The following PARP11 variants were observed in gnomAD, a reference collection of about 807,000 sequenced individuals.
PARP11 encodes poly(ADP-ribose) polymerase family member 11.
PARP11 carries 31 observed loss-of-function variants against 42.9 expected under a neutral mutation model. That is an observed-to-expected ratio of 0.72 (90% CI 0.54 to 0.98). PARP11 has a LOEUF of 0.98. Among genes scored for constraint, PARP11 ranks in the 50% least tolerant of loss-of-function variants. The probability of loss-of-function intolerance (pLI) is 0.00; values close to 1 mark genes in which losing one functional copy is unlikely to be tolerated. For synonymous variants in PARP11, 137 were observed against 127.3 expected, an observed-to-expected ratio of 1.08 and a Z score of -0.51; for missense variants, 365 against 413.1, an observed-to-expected ratio of 0.88 and a Z score of 1.01.
intron 1 of PARP11, among the ~76,000 whole-genome samples, chr12:3,858,115 A>G (rs1298796683): frequency 6.6e-6 from 1 of 152,232 alleles, no homozygotes; most frequent in Admixed American, 6.5e-5. Flanking sequence ...AGGACTCTGT[A>G]TATCATCCAA....
chr12:3,841,909 C>A, intron 1 of PARP11: 1 of 1,608,094 alleles, frequency 6.2e-7, no homozygotes, highest in Non-Finnish European at 8.5e-7. Context: ...AGATGAGTTT[C>A]CAGCAGCCAG....
chr12:3,812,074 C>T lies in PARP11; in HGVS notation c.*49G>A. 7.2e-7 allele frequency: 1 copy of T among 1,391,894 alleles called. No individual in the cohort carries two copies. Among genetic ancestry groups the T allele is most frequent in the South Asian group, 1.4e-5 (1 of 72,312 alleles). 86.2% of individuals were successfully genotyped at this position (1,391,894 alleles called of 1,614,324 possible). On this transcript the variant is annotated 3_prime_UTR_variant, in exon 8 of 8. Coordinates refer to ENST00000228820, the MANE Select transcript of PARP11 (RefSeq NM_020367.6). Reference sequence around the variant, plus strand: ...CTAGATGACTGAAGAGCAAACCTTCCTGCAAAAAAGAATAAAGCTTCCTTG... The same window carrying T: ...CTAGATGACTGAAGAGCAAACCTTCTTGCAAAAAAGAATAAAGCTTCCTTG...
At chr12:3,818,951 C>T (rs1430784277) in intron 6 of PARP11, among the ~76,000 whole-genome samples, 6 of 152,106 alleles carry the variant, frequency 3.9e-5, no homozygotes, top group South Asian at 2.1e-4. Flanking sequence ...AATGTACATA[C>T]GCTCCCTGGT....
chr12:3,838,897 C>T (rs944257296), intron 1 of PARP11, among the ~76,000 whole-genome samples: 94 of 152,282 alleles, frequency 6.2e-4, no homozygotes, highest in African/African-American at 2.1e-3. Context: ...CCGGCGTGCG[C>T]GCCTGGGGCG....
At chr12:3,856,765 A>G (rs1320524420) in intron 1 of PARP11, among the ~76,000 whole-genome samples, 1 of 152,200 alleles carries the variant, frequency 6.6e-6, no homozygotes, top group Admixed American at 6.5e-5. Context: ...TGACCCAGTG[A>G]TTTCATTACT....
chr12:3,813,231 C>A (rs1008046623), intron 7 of PARP11, among the ~76,000 whole-genome samples: 2 of 152,190 alleles, frequency 1.3e-5, no homozygotes, highest in African/African-American at 4.8e-5. Flanking sequence ...TACAGGGATT[C>A]TTTTAAACCC....
chr12:3,842,014 A>G lies in PARP11; in HGVS notation c.19-11996T>C, dbSNP rs565928708. 28 of 1,611,486 alleles carry G rather than the reference A, an allele frequency of 1.7e-5. 1 individual carries two copies. In the South Asian group the frequency reaches 2.5e-4, roughly 15 times the overall value. On this transcript the variant is annotated intron_variant, in intron 1 of 7. Coordinates refer to ENST00000228820, the MANE Select transcript of PARP11 (RefSeq NM_020367.6). ...ATCTTCCCAGACACGAAAGGCAGATATGGCATTGGCTTCCATCCCTCCTGT... is the reference window on the plus strand; with the variant it reads ...ATCTTCCCAGACACGAAAGGCAGATGTGGCATTGGCTTCCATCCCTCCTGT...
In PARP11 at chr12:3,827,012, T is replaced by C. The variant is rs115140685; in HGVS notation, c.269-779A>G. Among the ~76,000 whole-genome samples, 983 of 152,352 alleles carry C rather than the reference T, an allele frequency of 6.5e-3. 8 individuals carry two copies. The highest frequency in any genetic ancestry group is 0.022 in the African/African-American group (931 of 41,584). On this transcript the variant is annotated intron_variant, in intron 3 of 7. Transcript: ENST00000228820. ...GCTAAGGCTAGTATAAAGTGTGTTCTGTCCTTTCTGTGTTCTCCTAGACTC... is the reference window on the plus strand; with the variant it reads ...GCTAAGGCTAGTATAAAGTGTGTTCCGTCCTTTCTGTGTTCTCCTAGACTC...
rs148495129 is a variant in PARP11 at position 3,811,280 on chromosome 12, T to C, written c.*843A>G. 52 of 152,324 alleles carry C rather than the reference T, an allele frequency of 3.4e-4. No individual in the cohort carries two copies. Among genetic ancestry groups the C allele is most frequent in the African/African-American group, 1.1e-3 (47 of 41,564 alleles). 9.4% of individuals were successfully genotyped at this position (152,324 alleles called of 1,614,324 possible). On this transcript the variant is annotated 3_prime_UTR_variant, in exon 8 of 8. Transcript: ENST00000228820. ...TAAAAAAAAATCTTAGAAGTGATCATTGTAGGGACTCTTTTTAAAACAAAA... is the reference window on the plus strand; with the variant it reads ...TAAAAAAAAATCTTAGAAGTGATCACTGTAGGGACTCTTTTTAAAACAAAA...
chr12:3,841,292 T>G lies in PARP11; in HGVS notation c.19-11274A>C, dbSNP rs1006003704. 6 of 1,291,204 alleles carry G rather than the reference T, an allele frequency of 4.6e-6. No individual in the cohort carries two copies. The Admixed American group carries it at 5.0e-5, about 11-fold the overall frequency. The allele number at this position is 1,291,204 out of a possible 1,614,324, so 80.0% of individuals were successfully genotyped here. A position where few individuals can be genotyped will look rare whatever the true frequency, so the allele number is the denominator to read the frequency against. ...CTTCGATTCTTCTTCAATCTTGGTG[T>G]GAAGGCATACAGTTGTCCTGTGTGG... On this transcript the variant is annotated intron_variant, in intron 1 of 7. Transcript: ENST00000228820.
intron 4 of PARP11, among the ~76,000 whole-genome samples, chr12:3,825,465 A>G (rs1240530379): frequency 5.9e-5 from 9 of 152,218 alleles, no homozygotes; most frequent in Non-Finnish European, 1.3e-4. Context: ...CAAAGTGAAC[A>G]ACTACCTAAT....
At chr12:3,837,558 A>G (rs1341984854) in intron 1 of PARP11, among the ~76,000 whole-genome samples, 1 of 152,220 alleles carries the variant, frequency 6.6e-6, no homozygotes, top group Non-Finnish European at 1.5e-5. Context: ...AAACAACCAG[A>G]AAATAAGCAA....
At chr12:3,849,048 G>C (rs891182117) in intron 1 of PARP11, among the ~76,000 whole-genome samples, 1 of 151,268 alleles carries the variant, frequency 6.6e-6, no homozygotes, top group African/African-American at 2.4e-5. Flanking sequence ...TTGCCAACAG[G>C]TATATGAGAA....
At position 3,852,303 on chromosome 12, in the gene PARP11, G is replaced by A. The variant is rs138026951; in HGVS notation, c.18+20909C>T. Reference sequence around the variant, plus strand: ...GAATGACTTTGACGAGTTGACAGAAGTTGGCTTCAGAAGGTTGGTAATAAC... The same window carrying A: ...GAATGACTTTGACGAGTTGACAGAAATTGGCTTCAGAAGGTTGGTAATAAC... On this transcript the variant is annotated intron_variant, in intron 1 of 7. Transcript: ENST00000228820. Among the ~76,000 whole-genome samples, 11 of 152,348 alleles carry A rather than the reference G, an allele frequency of 7.2e-5. No homozygotes were observed. In the East Asian group the frequency reaches 1.9e-3, roughly 27 times the overall value.
chr12:3,859,919 A>G (rs1948267451), intron 1 of PARP11, among the ~76,000 whole-genome samples: 1 of 152,266 alleles, frequency 6.6e-6, no homozygotes, highest in Non-Finnish European at 1.5e-5. Flanking sequence ...TAAAGATAAC[A>G]TGCATTTGCA....
Position 3,840,555 on chromosome 12 carries a change from A to G in PARP11, c.19-10537T>C. On this transcript the variant is annotated intron_variant, in intron 1 of 7. Coordinates refer to ENST00000228820, the MANE Select transcript of PARP11 (RefSeq NM_020367.6). This position sits in a 1 kb window ranked among gnomAD's most constrained non-coding sequence, Gnocchi z 4.4. ...TTAGCCGGACACCTTCACAGATCAT[A>G]AGAAAACCTGATCGTGAAAGAGTTG... 1.3e-6 allele frequency: 2 copies of G among 1,579,882 alleles called. No homozygotes were observed. Among genetic ancestry groups the G allele is most frequent in the Non-Finnish European group, 1.7e-6 (2 of 1,148,868 alleles).
chr12:3,865,480 T>A (rs1470110693), intron 1 of PARP11, among the ~76,000 whole-genome samples: 1 of 152,192 alleles, frequency 6.6e-6, no homozygotes, highest in African/African-American at 2.4e-5. Context: ...TAACTGGGTA[T>A]CTTTCTATTT....
intron 2 of PARP11, 83 bp from the exon 3 acceptor site, chr12:3,829,113 A>T: frequency 2.7e-6 from 4 of 1,491,154 alleles, no homozygotes; most frequent in Non-Finnish European, 3.7e-6. Flanking sequence ...GGTCATAGAG[A>T]CAGGGAATGG....
At chr12:3,858,900 G>A (rs1273942751) in intron 1 of PARP11, among the ~76,000 whole-genome samples, 32 of 151,878 alleles carry the variant, frequency 2.1e-4, no homozygotes, top group African/African-American at 7.7e-4. Flanking sequence ...GACCAGCCTG[G>A]CCAACATGGT....
Sources: gnomAD v4.1 joint callset for allele counts (sites outside exome capture counted in the v4.1 genomes callset) on GRCh38, gnomAD v4.1.1 for gene constraint, Gnocchi (gnomAD v3.1) non-coding constraint, MANE v1.5 for transcripts, NCBI Gene and HGNC (gene_info 2026-07-23, HGNC 2026-07-21) for gene names.